Variants in HACD1 observed in about 807,000 individuals in gnomAD.
HACD1 encodes very-long-chain (3R)-3-hydroxyacyl-CoA dehydratase 1.
Under a neutral mutation model 32.0 loss-of-function variants are expected in HACD1, and 41 were observed. The observed-to-expected ratio is 1.28, with a 90% CI of 1.00 to 1.66. HACD1 has a LOEUF of 1.66. Among genes scored for constraint, HACD1 ranks in the 40% most tolerant of loss-of-function variants. The probability of loss-of-function intolerance (pLI) is 0.00; values close to 1 mark genes in which losing one functional copy is unlikely to be tolerated. For missense variants in HACD1, 396 were observed against 380.1 expected (o/e 1.04, Z -0.35); for synonymous variants, 142 against 139.0 (o/e 1.02, Z -0.15).
chr10:17,613,022 T>C (rs565320754), intron 1 of HACD1, among the ~76,000 whole-genome samples: 2 of 151,690 alleles, frequency 1.3e-5, no homozygotes, highest in South Asian at 4.2e-4. Context: ...GCTGATAAAA[T>C]AACAAGCTGT....
chr10:17,598,830 T>A (rs74117868), intron 5 of HACD1, among the ~76,000 whole-genome samples: 116 of 152,304 alleles, frequency 7.6e-4, no homozygotes, highest in African/African-American at 2.7e-3. Flanking sequence ...CAATTTTAAG[T>A]AAGTGTGACT....
intron 5 of HACD1, among the ~76,000 whole-genome samples, chr10:17,598,211 G>T (rs1834020225): frequency 7.3e-6 from 1 of 136,350 alleles, no homozygotes; most frequent in East Asian, 2.2e-4. Context: ...AGTGAGCCGA[G>T]ATCGTGCCAC....
At chr10:17,597,806 A>T (rs1834013944) in intron 5 of HACD1, among the ~76,000 whole-genome samples, 1 of 152,212 alleles carries the variant, frequency 6.6e-6, no homozygotes, top group Non-Finnish European at 1.5e-5. Context: ...ATGTACAGTA[A>T]GATTAAAACC....
At chr10:17,606,650 A>G (rs1254053031) in intron 1 of HACD1, among the ~76,000 whole-genome samples, 4 of 152,226 alleles carry the variant, frequency 2.6e-5, no homozygotes, top group Non-Finnish European at 4.4e-5. Context: ...CATTCTCAAG[A>G]GAATAATAAG....
At chr10:17,594,145 A>G (rs538680421) in intron 6 of HACD1, 60 bp downstream of exon 6, 6 of 1,246,814 alleles carry the variant, frequency 4.8e-6, no homozygotes, top group Non-Finnish European at 6.3e-6. Flanking sequence ...ATATTATTAT[A>G]TCCTTTCAAA....
intron 5 of HACD1, among the ~76,000 whole-genome samples, chr10:17,596,791 C>T (rs774117714): frequency 3.3e-5 from 5 of 151,794 alleles, no homozygotes; most frequent in Non-Finnish European, 7.4e-5. Context: ...TATGAAAAAC[C>T]TAACTTAATA....
At chr10:17,609,375 G>A (rs782659441) in intron 1 of HACD1, among the ~76,000 whole-genome samples, 3 of 151,872 alleles carry the variant, frequency 2.0e-5, no homozygotes, top group Non-Finnish European at 4.4e-5. Context: ...GAATGGTCTC[G>A]ATCTCCTGAC....
intron 1 of HACD1, among the ~76,000 whole-genome samples, chr10:17,614,793 C>A (rs1833048820): frequency 6.6e-6 from 1 of 151,980 alleles, no homozygotes; most frequent in South Asian, 2.1e-4. Flanking sequence ...CACTCTGTCG[C>A]CCATGCTGGA....
At chr10:17,615,764 C>T (rs1218487724) in intron 1 of HACD1, 9 of 393,580 alleles carry the variant, frequency 2.3e-5, no homozygotes, top group Non-Finnish European at 3.1e-5. Context: ...GTCAGGAGTT[C>T]GAGACCACCC....
chr10:17,611,042 C>T (rs570213929), intron 1 of HACD1, among the ~76,000 whole-genome samples: 2 of 149,894 alleles, frequency 1.3e-5, no homozygotes, highest in South Asian at 4.3e-4. Context: ...GCTCTGTTGC[C>T]CAGGCTGGAG....
chr10:17,610,725 ACT>A (rs1398499336), intron 1 of HACD1, among the ~76,000 whole-genome samples: 2 of 152,208 alleles, frequency 1.3e-5, no homozygotes, highest in Middle Eastern at 3.2e-3. Context: ...CCTGCTAAGA[ACT>A]TCATATCCAT....
chr10:17,601,833 A>C (rs1436889017), intron 4 of HACD1, among the ~76,000 whole-genome samples: 2 of 152,228 alleles, frequency 1.3e-5, no homozygotes, highest in Middle Eastern at 3.4e-3. Flanking sequence ...GAAAGATACT[A>C]GTCAAGAGGG....
chr10:17,597,287 C>T (rs1251500337), intron 5 of HACD1, among the ~76,000 whole-genome samples: 2 of 152,182 alleles, frequency 1.3e-5, no homozygotes, highest in East Asian at 3.9e-4. Context: ...GCTGGGATTA[C>T]AGGCACATGT....
At chr10:17,602,792 A>AC (rs1426329252) in intron 4 of HACD1, 2 of 151,888 alleles carry the variant, frequency 1.3e-5, no homozygotes, top group African/African-American at 4.8e-5. Flanking sequence ...TTATCCTTTG[A>AC]CCCCTTCTAA....
At chr10:17,594,961 C>T (rs1346881678) in intron 5 of HACD1, among the ~76,000 whole-genome samples, 1 of 151,608 alleles carries the variant, frequency 6.6e-6, no homozygotes, top group Non-Finnish European at 1.5e-5. Context: ...CGGGTTCAAG[C>T]AATTCTCCTG....
At chr10:17,596,083 T>G (rs1833991907) in intron 5 of HACD1, among the ~76,000 whole-genome samples, 1 of 152,254 alleles carries the variant, frequency 6.6e-6, no homozygotes, top group Admixed American at 6.5e-5. Context: ...AATCTGTATT[T>G]TATTTAATCA....
At chr10:17,597,162 C>T (rs72780767) in intron 5 of HACD1, among the ~76,000 whole-genome samples, 42,121 of 152,026 alleles carry the variant, frequency 0.28, 6,220 homozygotes, top group African/African-American at 0.34. Flanking sequence ...ACACTTTCTT[C>T]TTTTGAGACA....
Position 17,590,078 on chromosome 10 carries a change from C to CA in HACD1, c.*285dup, listed in dbSNP as rs1161108283. 1.8e-4 allele frequency: 37 copies of CA among 201,380 alleles called. No homozygotes were observed. Among genetic ancestry groups the CA allele is most frequent in the South Asian group, 7.5e-4 (4 of 5,356 alleles). 12.5% of individuals were successfully genotyped at this position (201,380 alleles called of 1,614,324 possible). A position where few individuals can be genotyped will look rare whatever the true frequency, so the allele number is the denominator to read the frequency against. Reference sequence around the variant, plus strand: ...GATTTAAAAAGCTTTGAGCATGTTTCAAAAAAAACTTAGCAAAAGTTTTTT... The same window carrying CA: ...GATTTAAAAAGCTTTGAGCATGTTTCAAAAAAAAACTTAGCAAAAGTTTTTT... On this transcript the variant is annotated 3_prime_UTR_variant, in exon 7 of 7. Coordinates refer to ENST00000361271, the MANE Select transcript of HACD1 (RefSeq NM_014241.4).
At chr10:17,604,176 A>G (rs535531289) in intron 1 of HACD1, 129 bp from the exon 2 acceptor site, 3 of 658,308 alleles carry the variant, frequency 4.6e-6, no homozygotes, top group South Asian at 4.0e-5. Context: ...TAAGTGAGTG[A>G]ATGGATACTT....
Sources: allele counts gnomAD v4.1 joint callset (sites outside exome capture counted in the v4.1 genomes callset), GRCh38; gene constraint gnomAD v4.1.1; transcripts MANE v1.5; gene names NCBI Gene and HGNC (gene_info 2026-07-23, HGNC 2026-07-21).